GALNT18: variants seen among roughly 807,000 people sequenced by gnomAD.
GALNT18 encodes GalNAc-transferase 18.
GALNT18 carries 44 observed loss-of-function variants against 69.5 expected under a neutral mutation model. The ratio of observed to expected loss-of-function variants is 0.63; its 90% CI spans 0.50 to 0.81. The LOEUF (loss-of-function observed/expected upper bound fraction) is 0.81, where lower values mean the gene tolerates loss of function less well. Among genes scored for constraint, GALNT18 ranks in the 40% least tolerant of loss-of-function variants. The probability of loss-of-function intolerance (pLI) is 0.00; values close to 1 mark genes in which losing one functional copy is unlikely to be tolerated. For synonymous variants in GALNT18, 364 were observed against 318.2 expected, an observed-to-expected ratio of 1.14 and a Z score of -1.53; for missense variants, 715 against 810.0, an observed-to-expected ratio of 0.88 and a Z score of 1.42.
Position 11,283,328 on chromosome 11 carries a change from G to T in GALNT18, c.1677+9701C>A, listed in dbSNP as rs561614622. ...TGCCTGGCTAGTATTTGTATTTTTA[G>T]GAGAGATGGAGTTTTGCCATGTTGG... On this transcript the variant is annotated intron_variant, in intron 10 of 10. Transcript: ENST00000227756. Among the ~76,000 whole-genome samples, 8 of 152,218 alleles carry T rather than the reference G, an allele frequency of 5.3e-5. No homozygotes were observed. The South Asian group carries it at 1.7e-3, about 32-fold the overall frequency.
chr11:11,285,763 G>A (rs1446793174), intron 10 of GALNT18, among the ~76,000 whole-genome samples: 3 of 152,194 alleles, frequency 2.0e-5, no homozygotes, highest in Admixed American at 6.5e-5. Flanking sequence ...GAAAGTCAAG[G>A]ACTCCTCCTC....
At chr11:11,311,541 T>C (rs1394290865) in intron 9 of GALNT18, among the ~76,000 whole-genome samples, 1 of 152,006 alleles carries the variant, frequency 6.6e-6, no homozygotes, top group Non-Finnish European at 1.5e-5. Flanking sequence ...TGCCTGGGGG[T>C]TGAGTCAAAT....
chr11:11,384,511 T>C (rs1235631105), intron 3 of GALNT18, among the ~76,000 whole-genome samples: 1 of 152,174 alleles, frequency 6.6e-6, no homozygotes, highest in South Asian at 2.1e-4. Context: ...GCAGCCCTCA[T>C]GACTTACTCA....
In GALNT18 at chr11:11,284,322, G is replaced by C. The variant is rs556269850; in HGVS notation, c.1677+8707C>G. On this transcript the variant is annotated intron_variant, in intron 10 of 10. Coordinates refer to ENST00000227756, the MANE Select transcript of GALNT18 (RefSeq NM_198516.3). The stretch of plus-strand genomic sequence containing the variant: ...TGTTCCTCCTGGAATGTAAGAGTTA[G>C]AGTCACCTGTGGGCTTTTTAAACTA... 2.8e-3 allele frequency among the ~76,000 whole-genome samples: 423 copies of C among 152,316 alleles called. 1 individual carries two copies. Among genetic ancestry groups the C allele is most frequent in the Middle Eastern group, 6.8e-3 (2 of 294 alleles).
intron 3 of GALNT18, among the ~76,000 whole-genome samples, chr11:11,393,377 T>C (rs1854240473): frequency 6.6e-6 from 1 of 152,234 alleles, no homozygotes; most frequent in Non-Finnish European, 1.5e-5. Context: ...AGATCCCAAA[T>C]GTAGAAAAAC....
chr11:11,361,385 G>A (rs1039564021), intron 6 of GALNT18, among the ~76,000 whole-genome samples: 4 of 152,196 alleles, frequency 2.6e-5, no homozygotes, highest in African/African-American at 9.7e-5. Context: ...AGTGGAGATA[G>A]TAGTAGTACC....
rs1251311207 is a variant in GALNT18, at chr11:11,497,104, T to G, written c.236-48168A>C. Among the ~76,000 whole-genome samples, 1 of 152,044 alleles carries G rather than the reference T, an allele frequency of 6.6e-6. No individual in the cohort carries two copies. Among genetic ancestry groups the G allele is most frequent in the Admixed American group, 6.5e-5 (1 of 15,272 alleles). Reference sequence around the variant, plus strand: ...CAGGGCCTTTGCACCTGCTGTTTCTTCAGTATGGGATGCTGTGACCCAGGG... The same window carrying G: ...CAGGGCCTTTGCACCTGCTGTTTCTGCAGTATGGGATGCTGTGACCCAGGG... On this transcript the variant is annotated intron_variant, in intron 1 of 10. Coordinates refer to ENST00000227756, the MANE Select transcript of GALNT18 (RefSeq NM_198516.3). This position sits in a 1 kb window ranked among gnomAD's most constrained non-coding sequence, Gnocchi z 4.2.
At position 11,340,682 on chromosome 11, in the gene GALNT18, T is replaced by C. The variant is rs1850187569; in HGVS notation, c.1278+137A>G. On this transcript the variant is annotated intron_variant, in intron 7 of 10. Transcript: ENST00000227756. This position sits in a 1 kb window ranked among gnomAD's most constrained non-coding sequence, Gnocchi z 4.2. ...CCCCTTTTCTTCAGCAAATAATATGTTTTGGGGTTGAGAGTCCATTCTTGC... is the reference window on the plus strand; with the variant it reads ...CCCCTTTTCTTCAGCAAATAATATGCTTTGGGGTTGAGAGTCCATTCTTGC... 5 of 758,876 alleles carry C rather than the reference T, an allele frequency of 6.6e-6. No individual in the cohort carries two copies. Among genetic ancestry groups the C allele is most frequent in the South Asian group, 2.1e-5 (1 of 46,906 alleles). The allele number at this position is 758,876 out of a possible 1,614,324, so 47.0% of individuals were successfully genotyped here. A position where few individuals can be genotyped will look rare whatever the true frequency, so the allele number is the denominator to read the frequency against.
intron 2 of GALNT18, among the ~76,000 whole-genome samples, chr11:11,434,849 G>C (rs1347770274): frequency 6.6e-6 from 1 of 152,162 alleles, no homozygotes; most frequent in African/African-American, 2.4e-5. Context: ...ACAATTTTTA[G>C]AACAGCAATT....
intron 1 of GALNT18, among the ~76,000 whole-genome samples, chr11:11,571,397 T>G (rs1858790326): frequency 6.6e-6 from 1 of 152,218 alleles, no homozygotes; most frequent in Admixed American, 6.5e-5. Flanking sequence ...ATGAGGTTAT[T>G]TGGTGATAAA....
At chr11:11,466,311 C>T (rs1856155166) in intron 1 of GALNT18, among the ~76,000 whole-genome samples, 1 of 152,234 alleles carries the variant, frequency 6.6e-6, no homozygotes, top group African/African-American at 2.4e-5. Context: ...AATCCCTACC[C>T]TCCTTTCATG....
At chr11:11,423,159 T>A (rs970269857) in intron 3 of GALNT18, among the ~76,000 whole-genome samples, 2 of 152,160 alleles carry the variant, frequency 1.3e-5, no homozygotes, top group Non-Finnish European at 2.9e-5. Context: ...CATGGATGCA[T>A]TAACACATAC....
At chr11:11,456,600 G>A (rs947602877) in intron 1 of GALNT18, among the ~76,000 whole-genome samples, 2 of 152,202 alleles carry the variant, frequency 1.3e-5, no homozygotes, top group Non-Finnish European at 2.9e-5. Flanking sequence ...GCTCTAGGCT[G>A]TGTTGAGCAT....
intron 1 of GALNT18, among the ~76,000 whole-genome samples, chr11:11,608,367 G>GTT (rs1554957542): frequency 6.6e-5 from 10 of 151,622 alleles, no homozygotes; most frequent in African/African-American, 2.4e-4. Context: ...TTTGTTTTTT[G>GTT]GTTTTTTTTT....
chr11:11,530,748 C>G (rs11021906), intron 1 of GALNT18, among the ~76,000 whole-genome samples: 33,834 of 152,184 alleles, frequency 0.22, 4,328 homozygotes, highest in Non-Finnish European at 0.27. Flanking sequence ...AGCTGTGCTG[C>G]TGGTTGGAGA....
chr11:11,285,950 C>G (rs867751612), intron 10 of GALNT18, among the ~76,000 whole-genome samples: 1 of 152,342 alleles, frequency 6.6e-6, no homozygotes, highest in East Asian at 1.9e-4. Flanking sequence ...GGCTCAGTCT[C>G]TTCTGGGCAG....
At chr11:11,516,930 G>A (rs1200760483) in intron 1 of GALNT18, among the ~76,000 whole-genome samples, 1 of 152,228 alleles carries the variant, frequency 6.6e-6, no homozygotes, top group Non-Finnish European at 1.5e-5. Flanking sequence ...TTCATACGGT[G>A]AAATCCTAAC....
intron 9 of GALNT18, among the ~76,000 whole-genome samples, chr11:11,324,318 T>G (rs1849883019): frequency 6.6e-6 from 1 of 152,182 alleles, no homozygotes; most frequent in African/African-American, 2.4e-5. Context: ...CCAAAAGAAG[T>G]GAGCATATAT....
intron 1 of GALNT18, among the ~76,000 whole-genome samples, chr11:11,551,546 T>TG (rs1414801871): frequency 6.6e-6 from 1 of 152,162 alleles, no homozygotes; most frequent in Non-Finnish European, 1.5e-5. Flanking sequence ...AATTTCAGAC[T>TG]GGGGGGCTGT....
Sources: gnomAD v4.1 joint callset for allele counts (sites outside exome capture counted in the v4.1 genomes callset) on GRCh38, gnomAD v4.1.1 for gene constraint, Gnocchi (gnomAD v3.1) non-coding constraint, MANE v1.5 for transcripts, NCBI Gene and HGNC (gene_info 2026-07-23, HGNC 2026-07-21) for gene names.